CNTN5: variants seen among roughly 807,000 people sequenced by gnomAD.
CNTN5 encodes contactin 5, also known as contactin-5.
In CNTN5, 77 loss-of-function variants were observed where a neutral mutation model predicts 129.1. That is an observed-to-expected ratio of 0.60 (90% confidence interval 0.50 to 0.72). CNTN5 has a LOEUF of 0.72. Among genes scored for constraint, CNTN5 ranks in the 30% least tolerant of loss-of-function variants. The probability of loss-of-function intolerance (pLI) is 0.00; values close to 1 mark genes in which losing one functional copy is unlikely to be tolerated. For missense variants in CNTN5, 1,478 were observed against 1,328.8 expected (o/e 1.11, Z -1.75); for synonymous variants, 509 against 465.6 (o/e 1.09, Z -1.20).
intron 2 of CNTN5, among the ~76,000 whole-genome samples, chr11:99,543,853 G>T (rs1373294138): frequency 7.3e-6 from 1 of 136,648 alleles, no homozygotes; most frequent in African/African-American, 2.7e-5. Context: ...CTCAGGAATC[G>T]GAGGTTGCAG....
chr11:99,868,125 A>C (rs1948404118), intron 6 of CNTN5, among the ~76,000 whole-genome samples: 1 of 152,046 alleles, frequency 6.6e-6, no homozygotes, highest in Non-Finnish European at 1.5e-5. Context: ...ATGAGGCAGG[A>C]GAATCACTTG....
intron 1 of CNTN5, among the ~76,000 whole-genome samples, chr11:99,241,795 AG>A (rs1294377676): frequency 3.3e-5 from 5 of 152,200 alleles, no homozygotes; most frequent in African/African-American, 1.2e-4. Flanking sequence ...GAAAGTCTGT[AG>A]TAAATAAATA....
At chr11:100,226,935 T>C (rs1464526755) in intron 16 of CNTN5, among the ~76,000 whole-genome samples, 1 of 152,112 alleles carries the variant, frequency 6.6e-6, no homozygotes, top group Non-Finnish European at 1.5e-5. Flanking sequence ...TCTAATAGTA[T>C]ATGCCACAGG....
At chr11:100,197,519 G>T (rs1360265922) in intron 15 of CNTN5, among the ~76,000 whole-genome samples, 2 of 151,894 alleles carry the variant, frequency 1.3e-5, no homozygotes, top group African/African-American at 4.8e-5. Flanking sequence ...TTACTATGGT[G>T]TCCTGACTTG....
chr11:99,995,874 A>G (rs2137437312), intron 8 of CNTN5, among the ~76,000 whole-genome samples: 1 of 152,278 alleles, frequency 6.6e-6, no homozygotes, highest in Non-Finnish European at 1.5e-5. Flanking sequence ...AATAGGTGAA[A>G]GACCTATCCA....
At chr11:100,137,693 A>G (rs557094674) in intron 13 of CNTN5, among the ~76,000 whole-genome samples, 21 of 152,134 alleles carry the variant, frequency 1.4e-4, no homozygotes, top group Non-Finnish European at 2.8e-4. Context: ...GTTTATCACT[A>G]TGAGCTTCAG....
intron 3 of CNTN5, among the ~76,000 whole-genome samples, chr11:99,587,396 A>G (rs1423491160): frequency 1.3e-5 from 2 of 152,346 alleles, no homozygotes; most frequent in South Asian, 2.1e-4. Context: ...AGTGTCTCCC[A>G]TAAAGGAGCG....
intron 1 of CNTN5, among the ~76,000 whole-genome samples, chr11:99,213,279 CATATA>C (rs1161816320): frequency 2.8e-5 from 4 of 141,796 alleles, no homozygotes; most frequent in South Asian, 2.2e-4. Flanking sequence ...AATATATATA[CATATA>C]ATATATATAA....
At chr11:100,026,196 A>C (rs1941411275) in intron 9 of CNTN5, among the ~76,000 whole-genome samples, 1 of 151,990 alleles carries the variant, frequency 6.6e-6, no homozygotes, top group Non-Finnish European at 1.5e-5. Context: ...ATGAGATCTG[A>C]GGGTTTTATA....
chr11:99,333,954 A>C (rs1394113135), intron 2 of CNTN5, among the ~76,000 whole-genome samples: 8 of 113,874 alleles, frequency 7.0e-5, no homozygotes, highest in Non-Finnish European at 8.8e-5. Flanking sequence ...CAACTCATCA[A>C]CTTTCTCTCT....
At chr11:99,042,391 T>TG (rs1864026124) in intron 1 of CNTN5, among the ~76,000 whole-genome samples, 1 of 139,996 alleles carries the variant, frequency 7.1e-6, no homozygotes, top group Non-Finnish European at 1.5e-5. Context: ...TTTTTTTTTT[T>TG]TGAGACAGAG....
chr11:99,507,457 TTCTC>T (rs1946670834), intron 2 of CNTN5, among the ~76,000 whole-genome samples: 1 of 152,008 alleles, frequency 6.6e-6, no homozygotes, highest in Admixed American at 6.6e-5. Flanking sequence ...ATTTTCTTTT[TTCTC>T]TCTGTTTTAA....
chr11:99,151,985 G>T (rs563379705), intron 1 of CNTN5, among the ~76,000 whole-genome samples: 88 of 152,148 alleles, frequency 5.8e-4, no homozygotes, highest in African/African-American at 2.1e-3. Flanking sequence ...AAACCTGCAT[G>T]TTCTGTACTT....
At chr11:100,255,158 C>T (rs72985639) in intron 16 of CNTN5, among the ~76,000 whole-genome samples, 12,171 of 152,224 alleles carry the variant, frequency 0.08, 649 homozygotes, top group Middle Eastern at 0.17. Flanking sequence ...ATCACAGTCT[C>T]CTTTGAACTC....
At chr11:99,328,519 T>C (rs1865874345) in intron 2 of CNTN5, among the ~76,000 whole-genome samples, 1 of 152,088 alleles carries the variant, frequency 6.6e-6, no homozygotes, top group Non-Finnish European at 1.5e-5. Flanking sequence ...GTTTTTTGTG[T>C]TTTAGAAAAT....
chr11:99,297,402 C>T (rs1673562951), intron 1 of CNTN5, among the ~76,000 whole-genome samples: 1 of 152,150 alleles, frequency 6.6e-6, no homozygotes, highest in South Asian at 2.1e-4. Flanking sequence ...CTGTACATCC[C>T]TAATCCTGTC....
At chr11:99,678,989 A>T (rs1020538585) in intron 3 of CNTN5, among the ~76,000 whole-genome samples, 2 of 147,812 alleles carry the variant, frequency 1.4e-5, no homozygotes, top group African/African-American at 4.9e-5. Flanking sequence ...ATAAAATTCC[A>T]TAAATATACA....
At chr11:99,554,087 G>C (rs953788803) in intron 2 of CNTN5, among the ~76,000 whole-genome samples, 4 of 151,770 alleles carry the variant, frequency 2.6e-5, no homozygotes, top group Admixed American at 2.0e-4. Flanking sequence ...TTATATTTGA[G>C]AGTAGGAAAA....
intron 3 of CNTN5, chr11:99,558,152 A>G (rs975021524): frequency 1.6e-5 from 3 of 189,940 alleles, no homozygotes; most frequent in Non-Finnish European, 2.2e-5. Flanking sequence ...TGGTTACTTA[A>G]AAAAGAAATC....
Sources: allele counts gnomAD v4.1 joint callset (sites outside exome capture counted in the v4.1 genomes callset), GRCh38; gene constraint gnomAD v4.1.1; transcripts MANE v1.5; gene names NCBI Gene and HGNC (gene_info 2026-07-23, HGNC 2026-07-21).